The following DNAH12 variants were observed in gnomAD, a reference collection of about 807,000 sequenced individuals.
DNAH12 encodes axonemal beta dynein heavy chain 12.
A neutral mutation model predicts 371.5 loss-of-function variants in DNAH12; 285 were observed. The observed-to-expected ratio is 0.77, with a 90% CI of 0.70 to 0.85. DNAH12 has a LOEUF of 0.85. DNAH12 is among the 40% of genes least tolerant of loss of function. DNAH12 has a pLI of 0.00. For missense variants in DNAH12, 3,611 were observed against 3,689.4 expected, an observed-to-expected ratio of 0.98 and a Z score of 0.55; for synonymous variants, 1,200 against 1,213.0, an observed-to-expected ratio of 0.99 and a Z score of 0.22.
intron 39 of DNAH12, among the ~76,000 whole-genome samples, chr3:57,411,682 C>T (rs978826920): frequency 4.6e-5 from 7 of 151,484 alleles, no homozygotes; most frequent in Admixed American, 2.6e-4. Flanking sequence ...AGAACTAAAT[C>T]GAAGTACTAA....
intron 4 of DNAH12, among the ~76,000 whole-genome samples, chr3:57,519,377 C>A (rs2068324381): frequency 6.6e-6 from 1 of 152,156 alleles, no homozygotes; most frequent in South Asian, 2.1e-4. Context: ...AAAGGTGATT[C>A]AGTTTGGAGT....
chr3:57,418,984 A>G lies in DNAH12; in HGVS notation c.5714+383T>C, dbSNP rs551219673. 2.0e-5 allele frequency among the ~76,000 whole-genome samples: 3 copies of G among 152,326 alleles called. No individual in the cohort carries two copies. The South Asian group carries it at 6.2e-4, about 32-fold the overall frequency. ...ATGGAATCCAGAACTGGCATAGGACATAGGTGAAAAATGCTAAATGTAATA... is the reference window on the plus strand; with the variant it reads ...ATGGAATCCAGAACTGGCATAGGACGTAGGTGAAAAATGCTAAATGTAATA... On this transcript the variant is annotated intron_variant, in intron 37 of 73. Coordinates refer to ENST00000495027, the MANE Select transcript of DNAH12 (RefSeq NM_001366028.2).
the DNAH12 span, among the ~76,000 whole-genome samples, chr3:57,550,119 G>T: frequency 6.6e-6 from 1 of 151,964 alleles, no homozygotes; most frequent in Non-Finnish European, 1.5e-5. Context: ...GACCAGCCTA[G>T]GCAACACAGC....
chr3:57,412,076 A>G (rs1553683213), intron 39 of DNAH12, among the ~76,000 whole-genome samples: 2 of 152,134 alleles, frequency 1.3e-5, no homozygotes, highest in Non-Finnish European at 2.9e-5. Context: ...TATGGAGCAA[A>G]GATAGTCTTT....
intron 65 of DNAH12, among the ~76,000 whole-genome samples, chr3:57,321,932 T>C (rs1282158017): frequency 2.0e-5 from 3 of 152,168 alleles, no homozygotes; most frequent in Non-Finnish European, 2.9e-5. Flanking sequence ...AGAATCTAAG[T>C]TTCATAAAGG....
intron 29 of DNAH12, among the ~76,000 whole-genome samples, chr3:57,440,997 T>TCA (rs745908484): frequency 7.0e-4 from 107 of 152,024 alleles, no homozygotes; most frequent in East Asian, 5.8e-4. Flanking sequence ...CTCTAAATAG[T>TCA]CACTTCATAA....
intron 13 of DNAH12, among the ~76,000 whole-genome samples, chr3:57,474,382 C>T (rs903952738): frequency 1.1e-4 from 17 of 152,152 alleles, no homozygotes; most frequent in East Asian, 5.8e-4. Flanking sequence ...CTGCAACCTC[C>T]GCCTCCCAGG....
At position 57,438,918 on chromosome 3, in the gene DNAH12, C is replaced by CGAAAAAAAAAAAAAAAAAAA. The variant is rs562343761; in HGVS notation, c.4546-1859_4546-1858insTTTTTTTTTTTTTTTTTTTC. On this transcript the variant is annotated intron_variant, in intron 29 of 73. Transcript: ENST00000495027. ...CAACAGAGTGAAACTCTGTCTCAGACAAAAAAAAAAAAAAGGAAAGCAACT... is the reference window on the plus strand; with the variant it reads ...CAACAGAGTGAAACTCTGTCTCAGACGAAAAAAAAAAAAAAAAAAAAAAAAAAAAAAAAAGGAAAGCAACT... Among the ~76,000 whole-genome samples the CGAAAAAAAAAAAAAAAAAAA allele has an allele frequency of 1.5e-3, 139 of 94,510 alleles. 21 individuals carry two copies. The highest frequency in any genetic ancestry group is 0.015 in the Middle Eastern group (2 of 134). 62.0% of individuals were successfully genotyped at this position (94,510 alleles called of 152,430 possible). A position where few individuals can be genotyped will look rare whatever the true frequency, so the allele number is the denominator to read the frequency against.
At chr3:57,439,193 T>C (rs571096362) in intron 29 of DNAH12, among the ~76,000 whole-genome samples, 1 of 152,210 alleles carries the variant, frequency 6.6e-6, no homozygotes, top group South Asian at 2.1e-4. Context: ...TTCACAGAAC[T>C]AGAAAAAAAT....
intron 62 of DNAH12, among the ~76,000 whole-genome samples, chr3:57,325,834 A>G (rs947811592): frequency 6.6e-6 from 1 of 152,206 alleles, no homozygotes; most frequent in Non-Finnish European, 1.5e-5. Flanking sequence ...AATTTAGACA[A>G]ATGTATAATT....
chr3:57,511,194 T>C (rs974291189), intron 4 of DNAH12, among the ~76,000 whole-genome samples: 1 of 152,172 alleles, frequency 6.6e-6, no homozygotes. Flanking sequence ...CAAATTAATA[T>C]TCTTAGTATG....
intron 37 of DNAH12, among the ~76,000 whole-genome samples, chr3:57,418,133 G>A (rs922130566): frequency 6.6e-6 from 1 of 150,744 alleles, no homozygotes; most frequent in African/African-American, 2.4e-5. Context: ...TCCAGCCTGG[G>A]AGACAGAGCG....
intron 41 of DNAH12, 85 bp downstream of exon 41, chr3:57,405,568 A>T: frequency 7.3e-7 from 1 of 1,363,274 alleles, no homozygotes; most frequent in Non-Finnish European, 9.8e-7. Flanking sequence ...TTCATTAAGA[A>T]ATGATTTTTA....
intron 69 of DNAH12, among the ~76,000 whole-genome samples, chr3:57,304,698 C>G (rs1234228637): frequency 6.6e-6 from 1 of 152,166 alleles, no homozygotes; most frequent in Admixed American, 6.5e-5. Flanking sequence ...GGATGCCTGC[C>G]TTGGTCCTTC....
chr3:57,528,153 T>G (rs949731988), intron 2 of DNAH12, among the ~76,000 whole-genome samples: 1 of 151,690 alleles, frequency 6.6e-6, no homozygotes, highest in Non-Finnish European at 1.5e-5. Flanking sequence ...CTCAGCCTCT[T>G]GAGTAGCTGG....
At position 57,533,436 on chromosome 3, in the gene DNAH12, T is replaced by C. The variant is rs572674420; in HGVS notation, c.170+9265A>G. On this transcript the variant is annotated intron_variant, in intron 2 of 73. Coordinates refer to ENST00000495027, the MANE Select transcript of DNAH12 (RefSeq NM_001366028.2). ...TCACCATAGCCAACAGGGCTGTGAA[T>C]GTGCTTGGCCTAACCTGGATAATTT... Among the ~76,000 whole-genome samples the C allele has an allele frequency of 3.9e-5, 6 of 152,270 alleles. No homozygotes were observed. The East Asian group carries it at 9.7e-4, about 25-fold the overall frequency.
chr3:57,296,665 A>G (rs1285023428), intron 71 of DNAH12, among the ~76,000 whole-genome samples, 182 bp downstream of exon 71: 1 of 152,264 alleles, frequency 6.6e-6, no homozygotes, highest in Non-Finnish European at 1.5e-5. Flanking sequence ...GTAGAAGAAC[A>G]GCGTTGGATT....
rs899567519 is a variant in DNAH12 at position 57,386,585 on chromosome 3, T to C, written c.7458A>G (p.Gly2486=). 2.6e-5 allele frequency: 4 copies of C among 152,194 alleles called. No homozygotes were observed. The highest frequency in any genetic ancestry group is 5.9e-5 in the Non-Finnish European group (4 of 68,026). The allele number at this position is 152,194 out of a possible 1,614,324, so 9.4% of individuals were successfully genotyped here. ...DLSERFLHEL[G]RHNYVTATSY... is the part of the protein sequence containing the mutation. The stretch of plus-strand genomic sequence containing the variant: ...AAGTAGCAGTAACATAGTTATGTCG[T>C]CCTAACTCATGCAAGAACCTAAAAG... The change falls in exon 47 of 74, where the codon GGA becomes GGG. Residue 2486 remains glycine (G), a synonymous_variant. Transcript: ENST00000495027.
chr3:57,481,797 C>A (rs958728935), intron 13 of DNAH12, among the ~76,000 whole-genome samples: 2 of 151,088 alleles, frequency 1.3e-5, no homozygotes, highest in Non-Finnish European at 3.0e-5. Context: ...CTTTGACAAA[C>A]CTGAGAAAAA....
Sources: allele counts gnomAD v4.1 joint callset (sites outside exome capture counted in the v4.1 genomes callset), GRCh38; gene constraint gnomAD v4.1.1; transcripts MANE v1.5; gene names NCBI Gene and HGNC (gene_info 2026-07-23, HGNC 2026-07-21).